Variants in ARID3C observed in about 807,000 individuals in gnomAD.
The protein encoded by ARID3C is AT-rich interactive domain-containing protein 3C.
Under a neutral mutation model 37.9 loss-of-function variants are expected in ARID3C, and 42 were observed. That is an observed-to-expected ratio of 1.11 (90% CI 0.87 to 1.43). The LOEUF (loss-of-function observed/expected upper bound fraction) is 1.43, where lower values mean the gene tolerates loss of function less well. ARID3C is among the 40% of genes most tolerant of loss of function. The probability of loss-of-function intolerance (pLI) is 0.00; values close to 1 mark genes in which losing one functional copy is unlikely to be tolerated. For synonymous variants in ARID3C, 213 were observed against 228.0 expected, an observed-to-expected ratio of 0.93 and a Z score of 0.59; for missense variants, 581 against 548.8, an observed-to-expected ratio of 1.06 and a Z score of -0.59.
At position 34,627,685 on chromosome 9, in the gene ARID3C, C is replaced by G. The variant is rs551617192; in HGVS notation, c.318+12G>C. On this transcript the variant is annotated intron_variant, in intron 1 of 6. Transcript: ENST00000378909. ...AGGGAAGAGGGCCGGACATTGAGGG[C>G]ATAGGTCCTACCTGCTTGAATTGTT... 6.3e-7 allele frequency: 1 copy of G among 1,588,254 alleles called. No homozygotes were observed. The highest frequency in any genetic ancestry group is 1.1e-5 in the South Asian group (1 of 88,760).
At chr9:34,623,571 G>A (rs1820608352) in exon 4 of ARID3C, 2 of 1,606,906 alleles carry the variant, frequency 1.2e-6, no homozygotes, top group South Asian at 1.1e-5. Context: ...CCGAGGGGGC[G>A]GCCCTGCCAA....
chr9:34,625,091 C>T (rs1820636980), intron 2 of ARID3C, among the ~76,000 whole-genome samples: 2 of 152,084 alleles, frequency 1.3e-5, no homozygotes, highest in Admixed American at 1.3e-4. Context: ...AACAGGGCAG[C>T]CAGTTAATTA....
chr9:34,623,906 A>T (rs1820617742), exon 3 of ARID3C: 1 of 1,601,550 alleles, frequency 6.2e-7, no homozygotes, highest in South Asian at 1.1e-5. Context: ...GGTGGTGGGT[A>T]GGCTGAGGCC....
intron 1 of ARID3C, among the ~76,000 whole-genome samples, chr9:34,627,006 A>C (rs947968599): frequency 2.0e-5 from 3 of 152,194 alleles, no homozygotes; most frequent in Non-Finnish European, 4.4e-5. Context: ...AGGGAGAAAG[A>C]ACCTCAGATT....
At chr9:34,624,510 G>T (rs546298037) in intron 2 of ARID3C, among the ~76,000 whole-genome samples, 12 of 152,360 alleles carry the variant, frequency 7.9e-5, no homozygotes, top group African/African-American at 2.9e-4. Context: ...TAGACCGCAG[G>T]AAGGACTTTC....
intron 6 of ARID3C, 31 bp from the exon 8 acceptor site, chr9:34,621,589 C>G: frequency 6.7e-7 from 1 of 1,495,592 alleles, no homozygotes; most frequent in South Asian, 1.3e-5. Context: ...TGGTAGAGGG[C>G]AAAAACAAGC....
Position 34,623,700 on chromosome 9 carries a change from A to G in ARID3C, c.590T>C (p.Leu197Pro), listed in dbSNP as rs748382089. Residue 197 changes from leucine (L) to proline (P), a missense_variant, in exon 4 of 7, where the codon CTG (leucine) becomes CCG (proline). Physicochemically the swap from Leu to Pro is moderately conservative, Grantham distance 98 (BLOSUM62 -3). Coordinates refer to ENST00000378909, the Ensembl canonical transcript of ARID3C. ...TCGAGTCTCGCACTCGTACGGGTAC[A>G]GGTACTTCATGTACCTAGGGGCGGA... is the stretch of plus-strand genomic sequence containing the variant. 6 of 1,555,348 alleles carry G rather than the reference A, an allele frequency of 3.9e-6. No homozygotes were observed. The African/African-American group carries it at 5.4e-5, about 14-fold the overall frequency.
exon 5 of ARID3C, chr9:34,622,479 G>C: frequency 1.2e-6 from 2 of 1,613,762 alleles, no homozygotes; most frequent in Non-Finnish European, 1.7e-6. Flanking sequence ...GTAGGTCCCA[G>C]TGCCAGGCCC....
At chr9:34,623,891 G>GTGA (rs1820617461) in exon 3 of ARID3C, 1 of 1,600,892 alleles carries the variant, frequency 6.2e-7, no homozygotes, top group Admixed American at 1.7e-5. Context: ...GGCGGCCGAG[G>GTGA]TGATGGTGGT....
downstream of ARID3C, chr9:34,621,323 A>G (rs1442456443): frequency 3.4e-6 from 2 of 590,076 alleles, no homozygotes; most frequent in Non-Finnish European, 5.5e-6. Flanking sequence ...CTTTGGTTTT[A>G]AGTCCACATG....
upstream of ARID3C, among the ~76,000 whole-genome samples, chr9:34,632,353 G>C (rs976384955): frequency 6.6e-6 from 1 of 152,172 alleles, no homozygotes; most frequent in African/African-American, 2.4e-5. Context: ...CACTGGGTTG[G>C]AATAGGGGGG....
Position 34,623,692 on chromosome 9 carries a change from A to G in ARID3C, c.598T>C (p.Tyr200His), listed in dbSNP as rs149879108. Residue 200 changes from tyrosine to histidine, a missense_variant, in exon 4 of 7, where the codon TAC (tyrosine) becomes CAC (histidine). Transcript: ENST00000378909. ...CTGAGCGCTCGAGTCTCGCACTCGT[A>G]CGGGTACAGGTACTTCATGTACCTA... 4 of 1,566,590 alleles carry G rather than the reference A, an allele frequency of 2.6e-6. No individual in the cohort carries two copies. In the African/African-American group the frequency reaches 4.1e-5, roughly 16 times the overall value.
intron 5 of ARID3C, 37 bp from the exon 7 acceptor site, chr9:34,622,146 AAT>A: frequency 6.2e-7 from 1 of 1,611,044 alleles, no homozygotes; most frequent in Non-Finnish European, 8.5e-7. Flanking sequence ...CATTTTGGAG[AAT>A]CAGACTTCTG....
At position 34,628,068 on chromosome 9, in the gene ARID3C, A is replaced by G; in HGVS notation, c.-54T>C. The G allele has an allele frequency of 7.0e-7, 1 of 1,438,316 alleles. No homozygotes were observed. Among genetic ancestry groups the G allele is most frequent in the Non-Finnish European group, 9.1e-7 (1 of 1,097,818 alleles). The allele number at this position is 1,438,316 out of a possible 1,614,324, so 89.1% of individuals were successfully genotyped here. ...GAGGGGGTCCCTGGTACCAGGCGGGACCCCGAGGAAAGGGCCGCCTGTGGG... is the reference window on the plus strand; with the variant it reads ...GAGGGGGTCCCTGGTACCAGGCGGGGCCCCGAGGAAAGGGCCGCCTGTGGG... On this transcript the variant is annotated 5_prime_UTR_variant, in exon 1 of 7. Transcript: ENST00000378909. This position sits in a 1 kb window ranked among gnomAD's most constrained non-coding sequence, Gnocchi z 5.2.
At chr9:34,622,746 A>G (rs1197604854) in intron 4 of ARID3C, among the ~76,000 whole-genome samples, 2 of 152,152 alleles carry the variant, frequency 1.3e-5, no homozygotes, top group African/African-American at 2.4e-5. Flanking sequence ...AATTTGGGGG[A>G]TTGTTTTTGG....
rs1449005627 is a variant in ARID3C, at chr9:34,627,726, C to A, written c.289G>T (p.Glu97Ter). 1.2e-6 allele frequency: 2 copies of A among 1,613,194 alleles called. No individual in the cohort carries two copies. The highest frequency in any genetic ancestry group is 1.7e-6 in the Non-Finnish European group (2 of 1,179,678). Residue 97 changes from glutamate (E) to a stop codon, truncating the protein, a stop_gained, in exon 1 of 7, where the codon GAG becomes TAG. Transcript: ENST00000378909. LOFTEE classifies it high-confidence loss of function. ...TTGAATTGTTCCTCGTAGGTCCACT[C>A]GTGGGGATGGAGTCCAGGGGGCTGG...
Position 34,622,119 on chromosome 9 carries a change from A to AG in ARID3C, c.1049-11dup. 1 of 1,613,640 alleles carries AG rather than the reference A, an allele frequency of 6.2e-7. No individual in the cohort carries two copies. On this transcript the variant is annotated splice_polypyrimidine_tract_variant and intron_variant, in intron 5 of 6. Coordinates refer to ENST00000378909, the Ensembl canonical transcript of ARID3C. ...CCATCCAGCCGCTCTTCTGTCCAGG[A>AG]GGGGGCAGAGGAATCACATTTTGGA...
chr9:34,629,941 T>C (rs546744918), upstream of ARID3C, among the ~76,000 whole-genome samples: 1 of 152,086 alleles, frequency 6.6e-6, no homozygotes, highest in South Asian at 2.1e-4. Context: ...TTTTGTCTTT[T>C]TAGTAGAGAT....
At chr9:34,622,174 T>G in intron 5 of ARID3C, 65 bp from the exon 7 acceptor site, 13 of 1,600,062 alleles carry the variant, frequency 8.1e-6, no homozygotes, top group Non-Finnish European at 1.1e-5. Context: ...TTAATAGAAT[T>G]TCCCCCCTCC....
Sources: gnomAD v4.1 joint callset for allele counts (sites outside exome capture counted in the v4.1 genomes callset) on GRCh38, gnomAD v4.1.1 for gene constraint, Gnocchi (gnomAD v3.1) non-coding constraint, MANE v1.5 for transcripts, NCBI Gene and HGNC (gene_info 2026-07-23, HGNC 2026-07-21) for gene names.